ATG10: variants seen among roughly 807,000 people sequenced by gnomAD.
ATG10 encodes ubiquitin-like-conjugating enzyme ATG10.
Under a neutral mutation model 32.1 loss-of-function variants are expected in ATG10, and 30 were observed. That is an observed-to-expected ratio of 0.94 (90% confidence interval 0.70 to 1.27). The LOEUF (loss-of-function observed/expected upper bound fraction) is 1.27, where lower values mean the gene tolerates loss of function less well. ATG10 is among the 50% of genes most tolerant of loss of function. The pLI is 0.00. For missense variants in ATG10, 233 were observed against 262.3 expected, an observed-to-expected ratio of 0.89 and a Z score of 0.77; for synonymous variants, 87 against 91.5, an observed-to-expected ratio of 0.95 and a Z score of 0.28.
At chr5:81,993,360 C>CTTTCTTTCTTTCTTTCTTTCTTTTCTT in intron 2 of ATG10, among the ~76,000 whole-genome samples, 4 of 46,772 alleles carry the variant, frequency 8.6e-5, no homozygotes, top group African/African-American at 3.6e-4. Context: ...TCTTTCTTTC[C>CTTTCTTTCTTTCTTTCTTTCTTTTCTT]TTCTTTTCTT....
chr5:82,018,288 A>T (rs1205121678), intron 2 of ATG10, among the ~76,000 whole-genome samples: 1 of 152,066 alleles, frequency 6.6e-6, no homozygotes, highest in Non-Finnish European at 1.5e-5. Flanking sequence ...CATCTAATCC[A>T]TTAGGAAATC....
chr5:82,233,806 C>G (rs560169094), intron 5 of ATG10, among the ~76,000 whole-genome samples: 1 of 152,176 alleles, frequency 6.6e-6, no homozygotes, highest in Non-Finnish European at 1.5e-5. Context: ...TAATTGACTG[C>G]CTAGGGCCTG....
intron 5 of ATG10, among the ~76,000 whole-genome samples, chr5:82,191,020 T>C (rs1278705854): frequency 6.6e-6 from 1 of 152,208 alleles, no homozygotes; most frequent in Non-Finnish European, 1.5e-5. Context: ...TTTTGTTAGA[T>C]ATTCCCATAT....
At chr5:82,164,571 T>C (rs1185721459) in intron 4 of ATG10, 34 bp downstream of exon 4, 10 of 1,558,628 alleles carry the variant, frequency 6.4e-6, no homozygotes, top group African/African-American at 1.4e-5. Context: ...AGTAAATTTA[T>C]AACATTTACA....
chr5:82,252,558 A>C lies in ATG10; in HGVS notation c.454-4A>C. Reference sequence around the variant, plus strand: ...TGATCCTGGACCAATTCTGATTCTTACAGGAACATCCAATACTTGGGCAAC... The same window carrying C: ...TGATCCTGGACCAATTCTGATTCTTCCAGGAACATCCAATACTTGGGCAAC... On this transcript the variant is annotated splice_polypyrimidine_tract_variant and splice_region_variant and intron_variant, in intron 5 of 7. Coordinates refer to ENST00000282185, the MANE Select transcript of ATG10 (RefSeq NM_031482.5). 7.0e-6 allele frequency: 11 copies of C among 1,581,892 alleles called. No individual in the cohort carries two copies. The highest frequency in any genetic ancestry group is 9.5e-6 in the Non-Finnish European group (11 of 1,153,156).
intron 3 of ATG10, among the ~76,000 whole-genome samples, chr5:82,149,755 A>G (rs1345796542): frequency 2.6e-5 from 4 of 152,152 alleles, no homozygotes; most frequent in Non-Finnish European, 5.9e-5. Flanking sequence ...GAAAATGCAT[A>G]TTCTCCTGGC....
At chr5:82,207,703 C>T (rs1376671486) in intron 5 of ATG10, among the ~76,000 whole-genome samples, 4 of 151,938 alleles carry the variant, frequency 2.6e-5, no homozygotes, top group Non-Finnish European at 5.9e-5. Flanking sequence ...CATTGTCTAC[C>T]CCAAGATCAT....
At chr5:82,178,047 A>G (rs1444135678) in intron 4 of ATG10, among the ~76,000 whole-genome samples, 3 of 152,130 alleles carry the variant, frequency 2.0e-5, no homozygotes, top group Non-Finnish European at 4.4e-5. Context: ...AGTGATTTGG[A>G]CATTATAGAT....
At chr5:82,019,365 A>T (rs1013739789) in intron 2 of ATG10, among the ~76,000 whole-genome samples, 1 of 152,170 alleles carries the variant, frequency 6.6e-6, no homozygotes, top group Non-Finnish European at 1.5e-5. Flanking sequence ...CATATTTTAG[A>T]TTTAAAAATA....
At chr5:82,033,339 CTT>C (rs531673501) in intron 2 of ATG10, among the ~76,000 whole-genome samples, 27 of 138,332 alleles carry the variant, frequency 2.0e-4, no homozygotes, top group African/African-American at 1.6e-4. Flanking sequence ...TCTTCTTCTT[CTT>C]TTTTTTTTTT....
At chr5:82,051,183 A>C (rs1383544008) in intron 2 of ATG10, among the ~76,000 whole-genome samples, 1 of 152,130 alleles carries the variant, frequency 6.6e-6, no homozygotes, top group Non-Finnish European at 1.5e-5. Context: ...GGGATTCACA[A>C]ATTAGGTCAC....
At chr5:81,991,392 T>C (rs1479895117) in intron 2 of ATG10, among the ~76,000 whole-genome samples, 1 of 152,210 alleles carries the variant, frequency 6.6e-6, no homozygotes, top group Non-Finnish European at 1.5e-5. Flanking sequence ...GTGTAATTTA[T>C]TAAGTTTTGA....
At chr5:82,077,290 A>G (rs1027630041) in intron 3 of ATG10, among the ~76,000 whole-genome samples, 16 of 152,276 alleles carry the variant, frequency 1.1e-4, no homozygotes, top group Admixed American at 2.6e-4. Flanking sequence ...AGATCATACC[A>G]TTGCACTCCA....
At chr5:82,019,417 C>G (rs1390629978) in intron 2 of ATG10, among the ~76,000 whole-genome samples, 2 of 151,654 alleles carry the variant, frequency 1.3e-5, no homozygotes, top group Non-Finnish European at 2.9e-5. Context: ...TTATCTTGTT[C>G]CAGAATTGCA....
At chr5:82,009,073 G>A (rs1478740981) in intron 2 of ATG10, among the ~76,000 whole-genome samples, 1 of 152,080 alleles carries the variant, frequency 6.6e-6, no homozygotes, top group South Asian at 2.1e-4. Context: ...TAATCTAAAC[G>A]TGGCATTAGT....
chr5:82,213,886 T>C (rs1745583304), intron 5 of ATG10, among the ~76,000 whole-genome samples: 1 of 152,222 alleles, frequency 6.6e-6, no homozygotes, highest in South Asian at 2.1e-4. Flanking sequence ...ATTATCTCTC[T>C]TTTGTTGATA....
At chr5:82,155,243 G>A (rs1218289303) in intron 3 of ATG10, among the ~76,000 whole-genome samples, 1 of 152,090 alleles carries the variant, frequency 6.6e-6, no homozygotes, top group Non-Finnish European at 1.5e-5. Context: ...TCCTTTTAAG[G>A]CTCAGAATTT....
At position 82,207,073 on chromosome 5, in the gene ATG10, G is replaced by T. The variant is rs370357614; in HGVS notation, c.453+28486G>T. Among the ~76,000 whole-genome samples, 17 of 151,976 alleles carry T rather than the reference G, an allele frequency of 1.1e-4. No individual in the cohort carries two copies. In the East Asian group the frequency reaches 1.4e-3, roughly 12 times the overall value. Reference sequence around the variant, plus strand: ...ACAATTTGTCTTTCTACTATTAATGGCCATGTGGTTCCCCCTGCCCCAGGT... The same window carrying T: ...ACAATTTGTCTTTCTACTATTAATGTCCATGTGGTTCCCCCTGCCCCAGGT... On this transcript the variant is annotated intron_variant, in intron 5 of 7. Coordinates refer to ENST00000282185, the MANE Select transcript of ATG10 (RefSeq NM_031482.5).
chr5:82,090,472 A>G (rs1764845533), intron 3 of ATG10, among the ~76,000 whole-genome samples: 1 of 152,222 alleles, frequency 6.6e-6, no homozygotes, highest in Non-Finnish European at 1.5e-5. Context: ...ATCAATGGCC[A>G]GAGAATGATG....
Sources: gnomAD v4.1 joint callset for allele counts (sites outside exome capture counted in the v4.1 genomes callset) on GRCh38, gnomAD v4.1.1 for gene constraint, MANE v1.5 for transcripts, NCBI Gene and HGNC (gene_info 2026-07-23, HGNC 2026-07-21) for gene names.